The following TXNRD2 variants were observed in gnomAD, a reference collection of about 807,000 sequenced individuals.
The protein encoded by TXNRD2 is thioredoxin reductase 2, mitochondrial.
In TXNRD2, 67 loss-of-function variants were observed where a neutral mutation model predicts 70.8. The ratio of observed to expected loss-of-function variants is 0.95; its 90% CI spans 0.78 to 1.16. TXNRD2 has a LOEUF of 1.16. Among genes scored for constraint, TXNRD2 ranks in the 50% most tolerant of loss-of-function variants. The pLI is 0.00. For missense variants in TXNRD2, 644 were observed against 719.9 expected (o/e 0.89, Z 1.21); for synonymous variants, 301 against 295.8 (o/e 1.02, Z -0.18).
At chr22:19,876,946 G>A (rs989665209) in intron 17 of TXNRD2, 94 bp downstream of exon 17, 196 of 869,494 alleles carry the variant, frequency 2.3e-4, no homozygotes, top group Middle Eastern at 1.9e-3. Flanking sequence ...GGCAGGTGTA[G>A]CCTTGCTGTA....
chr22:19,904,476 G>T (rs915567309), intron 8 of TXNRD2, among the ~76,000 whole-genome samples: 1 of 152,260 alleles, frequency 6.6e-6, no homozygotes, highest in Non-Finnish European at 1.5e-5. Context: ...CCAACTTGGG[G>T]CCCGAGGTGC....
chr22:19,878,659 AG>A (rs1938618875), intron 14 of TXNRD2, among the ~76,000 whole-genome samples: 1 of 152,224 alleles, frequency 6.6e-6, no homozygotes, highest in African/African-American at 2.4e-5. Flanking sequence ...CATGCTCTGC[AG>A]GACAGACCCT....
intron 7 of TXNRD2, among the ~76,000 whole-genome samples, chr22:19,911,825 A>G (rs1052000641): frequency 1.3e-5 from 2 of 152,108 alleles, no homozygotes; most frequent in Non-Finnish European, 2.9e-5. Context: ...AGACACATCA[A>G]ACAGACAGGG....
At chr22:19,912,256 AT>A (rs1940445617) in intron 7 of TXNRD2, among the ~76,000 whole-genome samples, 1 of 152,234 alleles carries the variant, frequency 6.6e-6, no homozygotes, top group Non-Finnish European at 1.5e-5. Flanking sequence ...GCAAAAAAAA[AT>A]AAAGTCAGGA....
intron 11 of TXNRD2, among the ~76,000 whole-genome samples, chr22:19,891,242 C>T (rs1192732086): frequency 6.6e-6 from 1 of 152,220 alleles, no homozygotes; most frequent in African/African-American, 2.4e-5. Context: ...AGGCCCCAGG[C>T]AGACCTGTGG....
intron 1 of TXNRD2, among the ~76,000 whole-genome samples, chr22:19,941,019 G>A (rs1201537580): frequency 1.3e-5 from 2 of 152,188 alleles, no homozygotes; most frequent in Non-Finnish European, 2.9e-5. Flanking sequence ...TGCCTGTGGG[G>A]AGAGCTGCTC....
intron 14 of TXNRD2, 63 bp from the exon 15 acceptor site, chr22:19,878,500 C>CCTGTGGGAGCTGCAGG: frequency 1.4e-6 from 2 of 1,436,980 alleles, no homozygotes; most frequent in Non-Finnish European, 2.0e-6. Flanking sequence ...GCACCTGCAG[C>CCTGTGGGAGCTGCAGG]TCCCACAGGC....
At chr22:19,899,285 CGT>C (rs894874958) in intron 8 of TXNRD2, among the ~76,000 whole-genome samples, 2 of 152,198 alleles carry the variant, frequency 1.3e-5, no homozygotes, top group Admixed American at 1.3e-4. Flanking sequence ...TGGTGAAGGG[CGT>C]GTGTGTCAGT....
At chr22:19,919,074 AG>A in intron 3 of TXNRD2, 70 bp from the exon 4 acceptor site, 1 of 1,522,496 alleles carries the variant, frequency 6.6e-7, no homozygotes, top group Non-Finnish European at 8.9e-7. Flanking sequence ...GTTCTTCTAG[AG>A]TGTTTGGAAT....
intron 2 of TXNRD2, among the ~76,000 whole-genome samples, chr22:19,923,800 C>T (rs986239543): frequency 1.9e-4 from 28 of 144,240 alleles, no homozygotes; most frequent in Non-Finnish European, 3.5e-4. Context: ...GAAACTATGT[C>T]TCAAAAAAAA....
chr22:19,926,302 C>T (rs549930869), intron 2 of TXNRD2, among the ~76,000 whole-genome samples: 1 of 152,156 alleles, frequency 6.6e-6, no homozygotes, highest in South Asian at 2.1e-4. Flanking sequence ...CCAGCCTGGC[C>T]AACATGGTGA....
rs114104326 is a variant in TXNRD2, at chr22:19,893,015, G to A, written c.949+2392C>T. Among the ~76,000 whole-genome samples the A allele has an allele frequency of 7.1e-3, 1,087 of 152,278 alleles. 8 individuals are homozygous for A. The highest frequency in any genetic ancestry group is 0.025 in the African/African-American group (1,046 of 41,554). On this transcript the variant is annotated intron_variant, in intron 11 of 17. Coordinates refer to ENST00000400521, the MANE Select transcript of TXNRD2 (RefSeq NM_006440.5). The stretch of plus-strand genomic sequence containing the variant: ...CGCTCAGGCATCTCAGGTCCTCCCC[G>A]GTCATCACCTCTGCGCTTGTGTCCA...
At position 19,919,733 on chromosome 22, in the gene TXNRD2, G is replaced by A. The variant is rs1314607091; in HGVS notation, c.173-134C>T. 7.1e-6 allele frequency: 6 copies of A among 849,848 alleles called. No homozygotes were observed. In the East Asian group the frequency reaches 1.4e-4, roughly 20 times the overall value. The allele number at this position is 849,848 out of a possible 1,614,324, so 52.6% of individuals were successfully genotyped here. ...GCCTGCGGCTGCCCACACAGTGGCT[G>A]AGCTGCGCAATGCTAGGGACCCCTG... is the stretch of plus-strand genomic sequence containing the variant. On this transcript the variant is annotated intron_variant, in intron 2 of 17. Coordinates refer to ENST00000400521, the MANE Select transcript of TXNRD2 (RefSeq NM_006440.5).
chr22:19,910,653 G>A (rs551780339), intron 8 of TXNRD2, among the ~76,000 whole-genome samples: 33 of 152,204 alleles, frequency 2.2e-4, no homozygotes, highest in Non-Finnish European at 4.1e-4. Flanking sequence ...ACTCTCCCAG[G>A]CTGAGCGCAG....
intron 14 of TXNRD2, 91 bp downstream of exon 14, chr22:19,880,088 T>C: frequency 2.9e-6 from 4 of 1,370,104 alleles, no homozygotes; most frequent in Non-Finnish European, 4.1e-6. Flanking sequence ...AGGAGAGACC[T>C]TGGCACCCTG....
chr22:19,877,112 C>CATTAAAAA lies in TXNRD2; in HGVS notation c.1567_1568insTTTTTAAT (p.Sec523PhefsTer92). On this transcript the variant is annotated frameshift_variant, in exon 17 of 18. Coordinates refer to ENST00000400521, the MANE Select transcript of TXNRD2 (RefSeq NM_006440.5). LOFTEE classifies it high-confidence loss of function. ...GGCCTGCAGGGATGGCGCTTACCCT[C>CATTAAAAA]AGCAGCCTGTCACCGTGGGGTCCAG... The CATTAAAAA allele has an allele frequency of 6.3e-7, 1 of 1,598,488 alleles. No individual in the cohort carries two copies. The highest frequency in any genetic ancestry group is 8.6e-7 in the Non-Finnish European group (1 of 1,168,228).
chr22:19,908,705 G>A (rs753007450), intron 8 of TXNRD2, among the ~76,000 whole-genome samples: 11 of 152,290 alleles, frequency 7.2e-5, no homozygotes, highest in Non-Finnish European at 1.3e-4. Context: ...GCTCACAACA[G>A]CCAAGAAGCA....
intron 2 of TXNRD2, among the ~76,000 whole-genome samples, chr22:19,927,579 G>A (rs12159513): frequency 0.013 from 1,949 of 150,548 alleles, 43 homozygotes; most frequent in African/African-American, 0.044. Context: ...GCTTGAACCC[G>A]GGAGGTGGAG....
Position 19,880,802 on chromosome 22 carries a change from T to C in TXNRD2, c.1087-85A>G, listed in dbSNP as rs573482051. 7.2e-4 allele frequency: 651 copies of C among 909,486 alleles called. 1 individual carries two copies. The highest frequency in any genetic ancestry group is 1.0e-3 in the Non-Finnish European group (587 of 572,394). The allele number at this position is 909,486 out of a possible 1,614,324, so 56.3% of individuals were successfully genotyped here. On this transcript the variant is annotated intron_variant, in intron 12 of 17. Coordinates refer to ENST00000400521, the MANE Select transcript of TXNRD2 (RefSeq NM_006440.5). ...ATGCCATCACCCTTTGCCCTCCGAG[T>C]GGGCATCTCCCTTTAGAAAATCCCC... is the stretch of plus-strand genomic sequence containing the variant.
Sources: allele counts gnomAD v4.1 joint callset (sites outside exome capture counted in the v4.1 genomes callset), GRCh38; gene constraint gnomAD v4.1.1; transcripts MANE v1.5; gene names NCBI Gene and HGNC (gene_info 2026-07-23, HGNC 2026-07-21).